Variants in MED15 observed in about 807,000 individuals in gnomAD.
The protein encoded by MED15 is mediator complex subunit 15, also known as mediator of RNA polymerase II transcription subunit 15.
Under a neutral mutation model 118.7 loss-of-function variants are expected in MED15, and 41 were observed. The observed-to-expected ratio is 0.35, with a 90% CI of 0.27 to 0.45. The LOEUF (loss-of-function observed/expected upper bound fraction) is 0.45, where lower values mean the gene tolerates loss of function less well. Ranked by LOEUF, MED15 falls within the 20% of genes least tolerant of loss-of-function variation. MED15 has a pLI of 1.00. For missense variants in MED15, 740 were observed against 1,025.5 expected (o/e 0.72, Z 3.80); for synonymous variants, 436 against 413.9 (o/e 1.05, Z -0.65).
chr22:20,542,496 C>G (rs968950612), intron 2 of MED15, among the ~76,000 whole-genome samples: 2 of 152,130 alleles, frequency 1.3e-5, no homozygotes, highest in Non-Finnish European at 2.9e-5. Context: ...TATAAAATGT[C>G]CAGAGAATAC....
intron 5 of MED15, among the ~76,000 whole-genome samples, chr22:20,556,619 C>T (rs2056019011): frequency 6.6e-6 from 1 of 152,110 alleles, no homozygotes; most frequent in Admixed American, 6.6e-5. Flanking sequence ...AGTTTTTTTA[C>T]ACTCATTCTT....
At chr22:20,575,315 C>T in intron 9 of MED15, 83 bp downstream of exon 9, 1 of 1,499,286 alleles carries the variant, frequency 6.7e-7, no homozygotes, top group Non-Finnish European at 8.9e-7. Flanking sequence ...CTGTCATTAT[C>T]ATCGCCGGTG....
intron 1 of MED15, among the ~76,000 whole-genome samples, chr22:20,510,090 AAAC>A (rs1371816454): frequency 4.6e-5 from 7 of 152,084 alleles, no homozygotes; most frequent in African/African-American, 1.7e-4. Context: ...TAGCATCTTA[AAAC>A]AACACACCTT....
intron 17 of MED15, 108 bp downstream of exon 17, chr22:20,585,934 C>A: frequency 1.9e-6 from 2 of 1,036,026 alleles, no homozygotes; most frequent in Non-Finnish European, 1.4e-6. Context: ...TCCTGCCCCT[C>A]CCCAGCTCAG....
intron 2 of MED15, among the ~76,000 whole-genome samples, chr22:20,541,353 A>G (rs1280417059): frequency 9.8e-5 from 15 of 152,380 alleles, no homozygotes; most frequent in Admixed American, 7.8e-4. Flanking sequence ...ACCATGTGAA[A>G]AGATGCTCAA....
Position 20,564,621 on chromosome 22 carries a change from A to T in MED15, c.623A>T (p.Gln208Leu). 6.2e-7 allele frequency: 1 copy of T among 1,610,124 alleles called. No individual in the cohort carries two copies. Among genetic ancestry groups the T allele is most frequent in the Non-Finnish European group, 8.5e-7 (1 of 1,177,678 alleles). ...QQFQAVVQQQ[Q>L]QLQQQQQQQQ... ...TTCCAAGCAGTAGTGCAGCAGCAGC[A>T]GCAGCTCCAGCAGCAGCAGCAGCAG... The change falls in exon 6 of 18, where the codon CAG becomes CTG. Residue 208 changes from glutamine (Q) to leucine (L), a missense_variant. Transcript: ENST00000263205.
In MED15 at chr22:20,581,647, C is replaced by T. The variant is rs530483962; in HGVS notation, c.1273-964C>T. On this transcript the variant is annotated intron_variant, in intron 9 of 17. Coordinates refer to ENST00000263205, the MANE Select transcript of MED15 (RefSeq NM_001003891.3). ...TTGCTGAGAGTCCCTCTAGGGGAGG[C>T]CAGACGCCCAGGGCTGGCAGGCAGC... Among the ~76,000 whole-genome samples, 91 of 152,274 alleles carry T rather than the reference C, an allele frequency of 6.0e-4. 1 individual carries two copies. The highest frequency in any genetic ancestry group is 2.1e-3 in the African/African-American group (88 of 41,550).
chr22:20,533,796 G>A (rs913830969), intron 1 of MED15, among the ~76,000 whole-genome samples: 3 of 152,182 alleles, frequency 2.0e-5, no homozygotes, highest in African/African-American at 4.8e-5. Context: ...GACAGGGCCC[G>A]TCTGCCAGTA....
intron 11 of MED15, 67 bp downstream of exon 11, chr22:20,583,034 G>T: frequency 6.4e-7 from 1 of 1,572,478 alleles, no homozygotes; most frequent in Non-Finnish European, 8.6e-7. Flanking sequence ...TACTGGGTGT[G>T]CGAGCTCTGG....
intron 2 of MED15, 48 bp downstream of exon 2, chr22:20,537,252 G>C: frequency 1.3e-6 from 2 of 1,545,718 alleles, no homozygotes; most frequent in Non-Finnish European, 1.8e-6. Flanking sequence ...ACTTGGAGAG[G>C]AGAGCATCAC....
At chr22:20,564,294 T>G (rs1446027913) in intron 5 of MED15, among the ~76,000 whole-genome samples, 156 bp from the exon 6 acceptor site, 3 of 152,224 alleles carry the variant, frequency 2.0e-5, no homozygotes, top group African/African-American at 7.2e-5. Context: ...TACTTCGTAT[T>G]CTATCTTTCT....
At chr22:20,546,032 C>A (rs955089223) in intron 2 of MED15, among the ~76,000 whole-genome samples, 3 of 152,188 alleles carry the variant, frequency 2.0e-5, no homozygotes, top group Non-Finnish European at 2.9e-5. Flanking sequence ...CCCCACCTGA[C>A]AATCACATGG....
At chr22:20,574,863 C>A in intron 8 of MED15, 1 of 519,008 alleles carries the variant, frequency 1.9e-6, no homozygotes, top group East Asian at 3.5e-5. Context: ...AGGAGAGCAA[C>A]CAGTAGAACA....
intron 1 of MED15, chr22:20,508,306 G>T (rs1051721685): frequency 1.7e-5 from 22 of 1,302,952 alleles, no homozygotes; most frequent in Non-Finnish European, 2.0e-5. Flanking sequence ...AGCGATCGTC[G>T]TTTCTGGAGG....
intron 5 of MED15, among the ~76,000 whole-genome samples, chr22:20,559,976 T>A (rs2056169822): frequency 6.6e-6 from 1 of 152,098 alleles, no homozygotes; most frequent in Non-Finnish European, 1.5e-5. Context: ...TCACCCAGGG[T>A]GACATTCCAC....
At position 20,582,853 on chromosome 22, in the gene MED15, C is replaced by T; in HGVS notation, c.1423C>T (p.Pro475Ser). The T allele has an allele frequency of 6.2e-7, 1 of 1,612,834 alleles. No individual in the cohort carries two copies. Among genetic ancestry groups the T allele is most frequent in the Non-Finnish European group, 8.5e-7 (1 of 1,179,936 alleles). The change falls in exon 11 of 18, where the codon CCA becomes TCA. Residue 475 changes from proline (P) to serine (S), a missense_variant. Around this residue, in one of 7 missense-constraint regions of MED15, gnomAD observed 384 missense variants for 506.3 expected, o/e 0.76. Transcript: ENST00000263205. ...PNSNVSSGPA[P>S]SPSSFLPSPS... is the part of the protein sequence containing the mutation. ...ACTTGGCTGCAGCTCTGGCCCTGCC[C>T]CATCTCCCAGTAGCTTCCTGCCCAG...
intron 2 of MED15, chr22:20,551,109 C>T (rs1410850716): frequency 1.8e-6 from 1 of 547,524 alleles, no homozygotes; most frequent in Non-Finnish European, 3.6e-6. Context: ...TCACCCCCAA[C>T]CTGCCTGTCC....
At position 20,585,142 on chromosome 22, in the gene MED15, A is replaced by G. The variant is rs1490581977; in HGVS notation, c.2006A>G (p.Asp669Gly). ...VCTRKRRLED[D>G]ERQSIPSVLQ... ...ACCCGGAAGCGCAGGCTTGAGGATG[A>G]TGAGCGGCAGAGCATCCCCAGTGTG... Residue 669 changes from aspartate to glycine, a missense_variant, in exon 16 of 18, where the codon GAT becomes GGT. Around this residue, in one of 7 missense-constraint regions of MED15, gnomAD observed 179 missense variants for 259.0 expected, o/e 0.69. Transcript: ENST00000263205. The G allele has an allele frequency of 8.1e-6, 13 of 1,613,588 alleles. No homozygotes were observed. Among genetic ancestry groups the G allele is most frequent in the Non-Finnish European group, 1.1e-5 (13 of 1,179,994 alleles).
chr22:20,546,502 G>GTTT (rs139110861), intron 2 of MED15, among the ~76,000 whole-genome samples: 1,122 of 109,280 alleles, frequency 0.01, 85 homozygotes, highest in Non-Finnish European at 0.016. Flanking sequence ...GTTACATGGA[G>GTTT]TTTTTTTTGT....
Sources: allele counts gnomAD v4.1 joint callset (sites outside exome capture counted in the v4.1 genomes callset), GRCh38; gene constraint gnomAD v4.1.1; regional missense constraint gnomAD v4.1.1; transcripts MANE v1.5; gene names NCBI Gene and HGNC (gene_info 2026-07-23, HGNC 2026-07-21).